The following EYS variants were observed in gnomAD, a reference collection of about 807,000 sequenced individuals.
EYS encodes EGF-like photoreceptor maintenance factor.
A neutral mutation model predicts 282.1 loss-of-function variants in EYS; 250 were observed. That is an observed-to-expected ratio of 0.89 (90% CI 0.80 to 0.98). EYS has a LOEUF of 0.98. Ranked by LOEUF, EYS falls within the 50% of genes least tolerant of loss-of-function variation. EYS has a pLI of 0.00. For synonymous variants in EYS, 1,355 were observed against 1,282.9 expected (o/e 1.06, Z -1.20); for missense variants, 4,016 against 3,709.0 (o/e 1.08, Z -2.15).
Position 63,864,226 on chromosome 6 carries a change from G to A in EYS, c.7188C>T (p.Cys2396=), listed in dbSNP as rs1308579911. 3 of 1,549,534 alleles carry A rather than the reference G, an allele frequency of 1.9e-6. No individual in the cohort carries two copies. The highest frequency in any genetic ancestry group is 2.6e-6 in the Non-Finnish European group (3 of 1,145,582). Residue 2396 remains cysteine, a synonymous_variant, in exon 36 of 43, where the codon TGC becomes TGT. Coordinates refer to ENST00000503581, the MANE Select transcript of EYS (RefSeq NM_001142800.2). ...CVPKSGTDIV[C]LCPYGRSGPL... ...GTCCAGACCTCCCATATGGGCAGAG[G>A]CAGACAATATCTGTTCCGGATTTTG...
chr6:64,274,309 G>A (rs181646287), intron 30 of EYS, among the ~76,000 whole-genome samples: 6 of 152,094 alleles, frequency 3.9e-5, no homozygotes, highest in African/African-American at 1.4e-4. Context: ...GGAGTAGGTG[G>A]GAATACAGGC....
At chr6:65,543,407 T>C (rs1768252925) in intron 2 of EYS, among the ~76,000 whole-genome samples, 1 of 148,082 alleles carries the variant, frequency 6.8e-6, no homozygotes, top group Non-Finnish European at 1.5e-5. Flanking sequence ...AAATATATAA[T>C]ATATAAATGT....
chr6:64,545,626 C>G (rs187065608), intron 26 of EYS, among the ~76,000 whole-genome samples: 1 of 152,130 alleles, frequency 6.6e-6, no homozygotes, highest in African/African-American at 2.4e-5. Flanking sequence ...AAAACCCCAT[C>G]GTCTCAGCCC....
chr6:64,131,252 T>C (rs1207796390), intron 31 of EYS, among the ~76,000 whole-genome samples: 4 of 152,200 alleles, frequency 2.6e-5, no homozygotes, highest in African/African-American at 4.8e-5. Context: ...TGTTTAGAGA[T>C]TTTACAGCTA....
At chr6:65,696,368 AC>A (rs1238065592) in intron 1 of EYS, among the ~76,000 whole-genome samples, 2 of 152,054 alleles carry the variant, frequency 1.3e-5, no homozygotes, top group African/African-American at 4.8e-5. Flanking sequence ...AAATTATATT[AC>A]CTAAATATGC....
chr6:65,006,584 G>A (rs1249033570), intron 13 of EYS, among the ~76,000 whole-genome samples: 1 of 146,162 alleles, frequency 6.8e-6, no homozygotes, highest in Non-Finnish European at 1.5e-5. Flanking sequence ...GTTAGAAAAA[G>A]CTAATGTAAC....
chr6:65,188,764 CAAAAAAAA>C (rs777137794), intron 12 of EYS, among the ~76,000 whole-genome samples: 1 of 78,768 alleles, frequency 1.3e-5, no homozygotes, highest in Non-Finnish European at 2.6e-5. Flanking sequence ...TTATTGCATG[CAAAAAAAA>C]AAAAAAAAAA....
At chr6:64,011,624 G>A (rs2149812086) in intron 33 of EYS, among the ~76,000 whole-genome samples, 1 of 151,364 alleles carries the variant, frequency 6.6e-6, no homozygotes, top group Middle Eastern at 3.4e-3. Context: ...TAGAACGTAT[G>A]GATTTTTTTT....
intron 28 of EYS, among the ~76,000 whole-genome samples, chr6:64,393,946 AAATC>A (rs1193381711): frequency 1.3e-5 from 2 of 152,064 alleles, no homozygotes; most frequent in Non-Finnish European, 2.9e-5. Context: ...TCAGGATACA[AAATC>A]AATGTACAAA....
At chr6:64,501,891 A>T (rs1777056424) in intron 26 of EYS, among the ~76,000 whole-genome samples, 1 of 152,092 alleles carries the variant, frequency 6.6e-6, no homozygotes, top group South Asian at 2.1e-4. Flanking sequence ...GACCATGAGG[A>T]CATTAGCACC....
At chr6:65,634,943 C>T (rs142344550) in intron 2 of EYS, among the ~76,000 whole-genome samples, 2 of 152,182 alleles carry the variant, frequency 1.3e-5, no homozygotes, top group African/African-American at 4.8e-5. Flanking sequence ...AGAAATGCCT[C>T]TTATTAAAAA....
chr6:64,789,625 T>C (rs983932344), intron 22 of EYS, among the ~76,000 whole-genome samples: 28 of 152,168 alleles, frequency 1.8e-4, no homozygotes, highest in African/African-American at 6.8e-4. Flanking sequence ...ACTTTCCATT[T>C]ATCCAAAATT....
At chr6:64,448,218 G>C (rs190745141) in intron 26 of EYS, among the ~76,000 whole-genome samples, 9 of 152,342 alleles carry the variant, frequency 5.9e-5, no homozygotes, top group African/African-American at 9.6e-5. Flanking sequence ...TATCCCGCAG[G>C]TGGCTCTGAA....
intron 2 of EYS, among the ~76,000 whole-genome samples, chr6:65,538,194 G>A (rs899224517): frequency 6.6e-6 from 1 of 152,182 alleles, no homozygotes; most frequent in Non-Finnish European, 1.5e-5. Flanking sequence ...AAATGGTAAG[G>A]ATATAAGTTG....
Position 64,393,495 on chromosome 6 carries a change from G to A in EYS, c.5928-4655C>T, listed in dbSNP as rs545861776. Among the ~76,000 whole-genome samples, 110 of 152,176 alleles carry A rather than the reference G, an allele frequency of 7.2e-4. 3 individuals are homozygous for A. In the South Asian group the frequency reaches 0.02, roughly 28 times the overall value. On this transcript the variant is annotated intron_variant, in intron 28 of 42. Coordinates refer to ENST00000503581, the MANE Select transcript of EYS (RefSeq NM_001142800.2). Reference sequence around the variant, plus strand: ...GTTCAACACATGCAAATCAATAAATGTAATCCAGCATATAAACAGAGTCAA... The same window carrying A: ...GTTCAACACATGCAAATCAATAAATATAATCCAGCATATAAACAGAGTCAA...
intron 19 of EYS, among the ~76,000 whole-genome samples, chr6:64,839,931 A>G (rs1238399992): frequency 6.6e-6 from 1 of 152,042 alleles, no homozygotes; most frequent in East Asian, 1.9e-4. Flanking sequence ...TATCACCAAA[A>G]TGGAGATTAA....
At chr6:64,764,459 C>A (rs1773259408) in intron 22 of EYS, among the ~76,000 whole-genome samples, 1 of 152,226 alleles carries the variant, frequency 6.6e-6, no homozygotes, top group African/African-American at 2.4e-5. Flanking sequence ...TGCCATGTCT[C>A]ATGGTAGCAC....
chr6:65,270,007 C>T (rs1195675234), intron 12 of EYS, among the ~76,000 whole-genome samples: 1 of 152,116 alleles, frequency 6.6e-6, no homozygotes, highest in Admixed American at 6.6e-5. Flanking sequence ...CTTACACTAG[C>T]ATCACCTCTA....
At chr6:65,610,305 C>A (rs1765951025) in intron 2 of EYS, among the ~76,000 whole-genome samples, 1 of 151,828 alleles carries the variant, frequency 6.6e-6, no homozygotes, top group African/African-American at 2.4e-5. Flanking sequence ...CTTAACATAT[C>A]AGAGTTTGTC....
Sources: gnomAD v4.1 joint callset for allele counts (sites outside exome capture counted in the v4.1 genomes callset) on GRCh38, gnomAD v4.1.1 for gene constraint, MANE v1.5 for transcripts, NCBI Gene and HGNC (gene_info 2026-07-23, HGNC 2026-07-21) for gene names.